Variants in MEX3C observed in about 807,000 individuals in gnomAD.
The protein encoded by MEX3C is RNA-binding E3 ubiquitin-protein ligase MEX3C.
Under a neutral mutation model 35.5 loss-of-function variants are expected in MEX3C, and 15 were observed. That is an observed-to-expected ratio of 0.42 (90% CI 0.28 to 0.65). The LOEUF is 0.65. Among genes scored for constraint, MEX3C ranks in the 30% least tolerant of loss-of-function variants. The probability of loss-of-function intolerance (pLI) is 0.20; values close to 1 mark genes in which losing one functional copy is unlikely to be tolerated. For missense variants in MEX3C, 711 were observed against 842.8 expected (o/e 0.84, Z 1.94); for synonymous variants, 390 against 352.8 (o/e 1.11, Z -1.18).
At chr18:51,192,903 T>G (rs921191031) in intron 1 of MEX3C, 8 of 152,144 alleles carry the variant, frequency 5.3e-5, no homozygotes, top group Non-Finnish European at 1.2e-4. Context: ...AAAGACACTG[T>G]GCTGTAGCAT....
rs77298834 is a variant in MEX3C at position 51,186,365 on chromosome 18, T to C, written c.755-8789A>G. 5.3e-3 allele frequency among the ~76,000 whole-genome samples: 805 copies of C among 152,282 alleles called. 9 individuals are homozygous for C. The highest frequency in any genetic ancestry group is 0.018 in the African/African-American group (764 of 41,570). On this transcript the variant is annotated intron_variant, in intron 1 of 1. Coordinates refer to ENST00000406189, the MANE Select transcript of MEX3C (RefSeq NM_016626.5). ...AAGAAAGCTTTAAAGGCATCTGAAC[T>C]GAGGCTTAAAGAAAATGGTTTTGCC...
rs1319743190 is a variant in MEX3C, at chr18:51,176,151, C to T, written c.*200G>A. 1.9e-6 allele frequency: 1 copy of T among 528,546 alleles called. No individual in the cohort carries two copies. The highest frequency in any genetic ancestry group is 1.9e-5 in the African/African-American group (1 of 52,228). The allele number at this position is 528,546 out of a possible 1,614,324, so 32.7% of individuals were successfully genotyped here. On this transcript the variant is annotated 3_prime_UTR_variant, in exon 2 of 2. Transcript: ENST00000406189. ...TACAGGATAGTACTAATAATTCAAA[C>T]CAAACTAATAGACAAGAGACCACTT...
intron 1 of MEX3C, among the ~76,000 whole-genome samples, chr18:51,183,260 GTT>G (rs894940394): frequency 6.6e-6 from 1 of 152,168 alleles, no homozygotes; most frequent in Non-Finnish European, 1.5e-5. Context: ...GATTTTTCAA[GTT>G]TTGTTTTTGT....
intron 1 of MEX3C, among the ~76,000 whole-genome samples, chr18:51,190,115 AC>A (rs1328551638): frequency 2.0e-5 from 3 of 152,172 alleles, no homozygotes; most frequent in African/African-American, 7.2e-5. Flanking sequence ...GGAGAGAGAA[AC>A]CTGGAAGAAC....
In MEX3C at chr18:51,197,077, G is replaced by C. The variant is rs1253554961; in HGVS notation, c.244C>G (p.Arg82Gly). Residue 82 changes from arginine to glycine, a missense_variant, in exon 1 of 2, where the codon CGG (arginine) becomes GGG (glycine). Physicochemically the swap from Arg to Gly is moderately radical, Grantham distance 125. Coordinates refer to ENST00000406189, the MANE Select transcript of MEX3C (RefSeq NM_016626.5). Reference protein sequence around the residue: ...APAAAAQGQARRAAELSPEER... With the variant: ...APAAAAQGQAGRAAELSPEER... ...TCTGGAGACAGCTCCGCCGCCCGCC[G>C]GGCCTGGCCCTGCGCCGCCGCTGCC... 2 of 1,331,504 alleles carry C rather than the reference G, an allele frequency of 1.5e-6. No individual in the cohort carries two copies. Among genetic ancestry groups the C allele is most frequent in the Admixed American group, 3.9e-5 (1 of 25,410 alleles). The allele number at this position is 1,331,504 out of a possible 1,614,324, so 82.5% of individuals were successfully genotyped here. A position where few individuals can be genotyped will look rare whatever the true frequency, so the allele number is the denominator to read the frequency against.
In MEX3C at chr18:51,177,094, C is replaced by T. The variant is rs1366007423; in HGVS notation, c.1237G>A (p.Asp413Asn). The T allele has an allele frequency of 5.6e-6, 9 of 1,613,960 alleles. No homozygotes were observed. The highest frequency in any genetic ancestry group is 2.2e-5 in the East Asian group (1 of 44,884). The change falls in exon 2 of 2, where the codon GAT (aspartate) becomes AAT (asparagine). Residue 413 changes from aspartate (D) to asparagine (N), a missense_variant. Transcript: ENST00000406189. The surrounding 1 kb of genome is among the most constrained non-coding windows in gnomAD (Gnocchi z 4.2). ...AGAGTGCCACCTTCAAAGCTTACAT[C>T]GGTACCATTGTAATGGAAATCATTC... is the stretch of plus-strand genomic sequence containing the variant. ...EENDFHYNGT[D>N]VSFEGGTLGS...
intron 1 of MEX3C, among the ~76,000 whole-genome samples, chr18:51,189,553 C>CT (rs1326973804): frequency 1.3e-5 from 2 of 152,282 alleles, no homozygotes; most frequent in South Asian, 2.1e-4. Context: ...TAAAACCCCT[C>CT]TTTTTTCACT....
At chr18:51,181,758 GGGACA>G (rs931839333) in intron 1 of MEX3C, among the ~76,000 whole-genome samples, 14 of 152,168 alleles carry the variant, frequency 9.2e-5, no homozygotes, top group African/African-American at 3.1e-4. Flanking sequence ...TTGACCTAGG[GGGACA>G]GGGAAGGAGG....
intron 1 of MEX3C, among the ~76,000 whole-genome samples, chr18:51,191,280 A>T (rs185956787): frequency 3.3e-4 from 50 of 152,290 alleles, no homozygotes; most frequent in Admixed American, 7.2e-4. Flanking sequence ...AAATATGAGC[A>T]GATGTGATAA....
In MEX3C at chr18:51,176,324, A is replaced by C. The variant is rs557573479; in HGVS notation, c.*27T>G. The C allele has an allele frequency of 6.4e-7, 1 of 1,559,618 alleles. No individual in the cohort carries two copies. The highest frequency in any genetic ancestry group is 1.2e-5 in the South Asian group (1 of 82,804). ...CATGCCTTTACGAGTCCATATAGAG[A>C]TATAGTATTTATGTATATATATATA... On this transcript the variant is annotated 3_prime_UTR_variant, in exon 2 of 2. Coordinates refer to ENST00000406189, the MANE Select transcript of MEX3C (RefSeq NM_016626.5).
At chr18:51,179,241 A>G (rs138469216) in intron 1 of MEX3C, among the ~76,000 whole-genome samples, 29 of 152,122 alleles carry the variant, frequency 1.9e-4, no homozygotes, top group African/African-American at 6.5e-4. Flanking sequence ...CTGACCTAGT[A>G]ATCTGCCTGC....
chr18:51,180,788 C>T (rs1912411203), intron 1 of MEX3C, among the ~76,000 whole-genome samples: 1 of 152,180 alleles, frequency 6.6e-6, no homozygotes, highest in African/African-American at 2.4e-5. Flanking sequence ...TGGCCACCAA[C>T]CCAGTTTAAG....
rs577184936 is a variant in MEX3C at position 51,176,604 on chromosome 18, T to C, written c.1727A>G (p.Tyr576Cys). 7.4e-5 allele frequency: 120 copies of C among 1,613,814 alleles called. No individual in the cohort carries two copies. Among genetic ancestry groups the C allele is most frequent in the Non-Finnish European group, 9.4e-5 (111 of 1,179,884 alleles). ...STGNHVGLPIYIPAFSNGTNS... is the reference protein window; with the variant it reads ...STGNHVGLPICIPAFSNGTNS... ...GGTACCATTAGAAAAAGCAGGGATA[T>C]ATATTGGAAGGCCAACATGGTTGCC... Residue 576 changes from tyrosine (Y) to cysteine (C), a missense_variant, in exon 2 of 2, where the codon TAT (tyrosine) becomes TGT (cysteine). Tyr to Cys is a radical substitution (Grantham distance 194). Coordinates refer to ENST00000406189, the MANE Select transcript of MEX3C (RefSeq NM_016626.5).
intron 1 of MEX3C, among the ~76,000 whole-genome samples, chr18:51,183,726 T>A (rs1384280572): frequency 6.6e-6 from 1 of 152,204 alleles, no homozygotes; most frequent in African/African-American, 2.4e-5. Context: ...ATGCCTGTAA[T>A]CCTAGCACTT....
In MEX3C at chr18:51,196,978, C is replaced by T. The variant is rs1448035639; in HGVS notation, c.343G>A (p.Gly115Arg). 6.5e-7 allele frequency: 1 copy of T among 1,539,782 alleles called. No homozygotes were observed. Among genetic ancestry groups the T allele is most frequent in the Non-Finnish European group, 8.7e-7 (1 of 1,144,704 alleles). ...ELELEEDEEEGEEAELDGDLL... is the reference protein window; with the variant it reads ...ELELEEDEEEREEAELDGDLL... ...TCTCCGTCCAGCTCCGCTTCCTCCCCCTCCTCCTCGTCCTCTTCCAGCTCC... is the reference window on the plus strand; with the variant it reads ...TCTCCGTCCAGCTCCGCTTCCTCCCTCTCCTCCTCGTCCTCTTCCAGCTCC... The change falls in exon 1 of 2, where the codon GGG becomes AGG. Residue 115 changes from glycine (G) to arginine (R), a missense_variant. This residue lies in a region of MEX3C where 354 missense variants were observed against 311.6 expected (regional missense o/e 1.14). Coordinates refer to ENST00000406189, the MANE Select transcript of MEX3C (RefSeq NM_016626.5).
At position 51,196,978 on chromosome 18, in the gene MEX3C, C is replaced by A. The variant is rs1448035639; in HGVS notation, c.343G>T (p.Gly115Trp). 3.2e-6 allele frequency: 5 copies of A among 1,539,672 alleles called. No homozygotes were observed. In the African/African-American group the frequency reaches 5.6e-5, roughly 17 times the overall value. ...ELELEEDEEE[G>W]EEAELDGDLL... ...TCTCCGTCCAGCTCCGCTTCCTCCC[C>A]CTCCTCCTCGTCCTCTTCCAGCTCC... The change falls in exon 1 of 2, where the codon GGG becomes TGG. Residue 115 changes from glycine (G) to tryptophan (W), a missense_variant. Physicochemically the swap from Gly to Trp is radical, Grantham distance 184. Coordinates refer to ENST00000406189, the MANE Select transcript of MEX3C (RefSeq NM_016626.5).
intron 1 of MEX3C, among the ~76,000 whole-genome samples, chr18:51,188,049 T>G (rs1306108035): frequency 6.6e-6 from 1 of 152,222 alleles, no homozygotes; most frequent in Non-Finnish European, 1.5e-5. Flanking sequence ...AAGAATGCAA[T>G]GTATTCCTAA....
intron 1 of MEX3C, among the ~76,000 whole-genome samples, chr18:51,186,829 G>A (rs1420440119): frequency 3.3e-5 from 5 of 152,128 alleles, no homozygotes; most frequent in Admixed American, 1.3e-4. Context: ...GAAACTAAAC[G>A]CATTATGTTT....
chr18:51,181,502 A>C (rs770473304), intron 1 of MEX3C, among the ~76,000 whole-genome samples: 17 of 47,674 alleles, frequency 3.6e-4, no homozygotes, highest in Non-Finnish European at 7.5e-4. Flanking sequence ...AAAACCTTAC[A>C]ACAATGCTAG....
Sources: allele counts gnomAD v4.1 joint callset (sites outside exome capture counted in the v4.1 genomes callset), GRCh38; gene constraint gnomAD v4.1.1; regional missense constraint gnomAD v4.1.1; non-coding constraint Gnocchi (gnomAD v3.1); transcripts MANE v1.5; gene names NCBI Gene and HGNC (gene_info 2026-07-23, HGNC 2026-07-21).